Variants in USP54 observed in about 807,000 individuals in gnomAD.
USP54 encodes the protein ubiquitin specific peptidase 54, also known as ubiquitin carboxyl-terminal hydrolase 54.
A neutral mutation model predicts 170.5 loss-of-function variants in USP54; 87 were observed. The ratio of observed to expected loss-of-function variants is 0.51; its 90% CI spans 0.43 to 0.61. The LOEUF (loss-of-function observed/expected upper bound fraction) is 0.61. Ranked by LOEUF, USP54 falls within the 20% of genes least tolerant of loss-of-function variation. The probability of loss-of-function intolerance (pLI) is 0.00; values close to 1 mark genes in which losing one functional copy is unlikely to be tolerated. For missense variants in USP54, 1,786 were observed against 2,047.8 expected, an observed-to-expected ratio of 0.87 and a Z score of 2.47; for synonymous variants, 655 against 742.8, an observed-to-expected ratio of 0.88 and a Z score of 1.92.
chr10:73,590,215 C>T (rs2078077643), intron 1 of USP54, among the ~76,000 whole-genome samples: 2 of 152,216 alleles, frequency 1.3e-5, no homozygotes, highest in Admixed American at 1.3e-4. Flanking sequence ...AATACTACTA[C>T]CTGGCCAGGT....
intron 1 of USP54, among the ~76,000 whole-genome samples, chr10:73,601,920 A>G (rs977749921): frequency 5.9e-5 from 9 of 152,202 alleles, no homozygotes; most frequent in African/African-American, 2.2e-4. Context: ...CAAGTCCTTC[A>G]CCACTGCCCT....
chr10:73,590,656 G>C (rs2078137713), intron 1 of USP54, among the ~76,000 whole-genome samples: 1 of 152,104 alleles, frequency 6.6e-6, no homozygotes, highest in African/African-American at 2.4e-5. Flanking sequence ...CAAGGAAGCA[G>C]GTGCTAATGA....
chr10:73,612,839 CAAA>C (rs756355670), intron 1 of USP54, among the ~76,000 whole-genome samples: 5 of 42,122 alleles, frequency 1.2e-4, no homozygotes, highest in Non-Finnish European at 1.5e-4. Context: ...GACATTGTCT[CAAA>C]AAAAAAAAAA....
At chr10:73,566,669 T>G (rs1381832680) in intron 4 of USP54, among the ~76,000 whole-genome samples, 1 of 151,740 alleles carries the variant, frequency 6.6e-6, no homozygotes, top group East Asian at 2.0e-4. Flanking sequence ...AGGCAGAGGT[T>G]GCAGTGAGCT....
intron 1 of USP54, among the ~76,000 whole-genome samples, chr10:73,611,981 T>C (rs1032694605): frequency 1.3e-5 from 2 of 148,448 alleles, no homozygotes; most frequent in African/African-American, 5.0e-5. Context: ...CACGGTGGTA[T>C]GCCCCTATAG....
intron 1 of USP54, among the ~76,000 whole-genome samples, chr10:73,583,037 T>C (rs915823670): frequency 6.6e-6 from 1 of 152,088 alleles, no homozygotes; most frequent in Admixed American, 6.5e-5. Flanking sequence ...AGTCCAATCA[T>C]CAGAAAAATA....
At position 73,545,569 on chromosome 10, in the gene USP54, A is replaced by G; in HGVS notation, c.344T>C (p.Leu115Pro). Residue 115 changes from leucine to proline, a missense_variant, in exon 5 of 24, where the codon CTG becomes CCG. Leu to Pro is a moderately conservative substitution (Grantham distance 98). This residue lies in a region of USP54 where 361 missense variants were observed against 455.0 expected (regional missense o/e 0.79). Transcript: ENST00000687698. The stretch of plus-strand genomic sequence containing the variant: ...CTCTGCAGCATCATCCATAATTCCC[A>G]GCTGGAAACGTTGTTCATCCTGGAA... ...KTFQDEQRFQ[L>P]GIMDDAAECF... 6.2e-7 allele frequency: 1 copy of G among 1,614,182 alleles called. No homozygotes were observed. The highest frequency in any genetic ancestry group is 8.5e-7 in the Non-Finnish European group (1 of 1,180,008).
chr10:73,598,563 G>A (rs2132254233), intron 1 of USP54, among the ~76,000 whole-genome samples: 1 of 152,122 alleles, frequency 6.6e-6, no homozygotes, highest in Non-Finnish European at 1.5e-5. Flanking sequence ...ATCACAACAA[G>A]GTCAGGAGTT....
intron 4 of USP54, among the ~76,000 whole-genome samples, chr10:73,568,886 C>A (rs1339960291): frequency 6.6e-6 from 1 of 152,122 alleles, no homozygotes; most frequent in Non-Finnish European, 1.5e-5. Context: ...GTAAGTCTAG[C>A]GGTTGACTTT....
intron 4 of USP54, among the ~76,000 whole-genome samples, chr10:73,568,683 T>C (rs1465752252): frequency 6.6e-6 from 1 of 152,164 alleles, no homozygotes; most frequent in Non-Finnish European, 1.5e-5. Flanking sequence ...CAGGCAGTGA[T>C]GTAATGAGGA....
chr10:73,508,403 G>GAAA (rs1243094191), intron 20 of USP54, among the ~76,000 whole-genome samples: 2 of 74,920 alleles, frequency 2.7e-5, no homozygotes, highest in Non-Finnish European at 3.0e-5. Flanking sequence ...TGAGAATCCA[G>GAAA]AAAAAAAAAA....
At chr10:73,599,212 T>C (rs1283619827) in intron 1 of USP54, among the ~76,000 whole-genome samples, 1 of 152,168 alleles carries the variant, frequency 6.6e-6, no homozygotes, top group African/African-American at 2.4e-5. Flanking sequence ...ACTTAACCAA[T>C]CAATGAAATT....
At chr10:73,580,782 T>C (rs1231781613) in intron 1 of USP54, among the ~76,000 whole-genome samples, 3 of 152,144 alleles carry the variant, frequency 2.0e-5, no homozygotes, top group Admixed American at 1.3e-4. Flanking sequence ...TTTCACCATG[T>C]TGACCATGCT....
At chr10:73,572,453 T>A (rs770820610) in intron 3 of USP54, among the ~76,000 whole-genome samples, 1 of 152,214 alleles carries the variant, frequency 6.6e-6, no homozygotes, top group Non-Finnish European at 1.5e-5. Flanking sequence ...TAGGAAAACA[T>A]TTAATGTCAT....
At chr10:73,556,443 T>C (rs1376015463) in intron 4 of USP54, among the ~76,000 whole-genome samples, 1 of 151,458 alleles carries the variant, frequency 6.6e-6, no homozygotes, top group East Asian at 1.9e-4. Context: ...ACCTCCCAGG[T>C]TGAAGCAATT....
At chr10:73,541,324 A>G (rs1428557953) in intron 9 of USP54, 51 bp downstream of exon 9, 2 of 1,610,304 alleles carry the variant, frequency 1.2e-6, no homozygotes, top group African/African-American at 1.3e-5. Context: ...CTCCTAAGCA[A>G]TACTAAGACG....
At chr10:73,577,552 T>C (rs2076288007) in intron 1 of USP54, among the ~76,000 whole-genome samples, 2 of 152,310 alleles carry the variant, frequency 1.3e-5, no homozygotes, top group South Asian at 4.1e-4. Context: ...AGGTATGTGC[T>C]AAACACGATA....
Position 73,530,497 on chromosome 10 carries a change from G to A in USP54, c.1474C>T (p.Pro492Ser), listed in dbSNP as rs776208474. Residue 492 changes from proline to serine, a missense_variant, in exon 14 of 24, where the codon CCT (proline) becomes TCT (serine). Pro to Ser is a moderately conservative substitution (Grantham distance 74). Coordinates refer to ENST00000687698, the MANE Select transcript of USP54 (RefSeq NM_001391956.1). ...CTGGATGGTTTGGAGGCATTTCTAGGAGCCTGCTTCTCTTTCAGTGTTTCT... is the reference window on the plus strand; with the variant it reads ...CTGGATGGTTTGGAGGCATTTCTAGAAGCCTGCTTCTCTTTCAGTGTTTCT... ...EGETLKEKQAPRNASKPSSST... is the reference protein window; with the variant it reads ...EGETLKEKQASRNASKPSSST... 1.2e-6 allele frequency: 2 copies of A among 1,610,542 alleles called. No homozygotes were observed. Among genetic ancestry groups the A allele is most frequent in the East Asian group, 4.5e-5 (2 of 44,872 alleles).
chr10:73,558,638 G>A (rs968505740), intron 4 of USP54, among the ~76,000 whole-genome samples: 5 of 152,152 alleles, frequency 3.3e-5, no homozygotes, highest in Admixed American at 1.3e-4. Flanking sequence ...AAACATGTTA[G>A]TGTTTCCTTT....
Sources: gnomAD v4.1 joint callset for allele counts (sites outside exome capture counted in the v4.1 genomes callset) on GRCh38, gnomAD v4.1.1 for gene constraint, gnomAD v4.1.1 regional missense constraint, MANE v1.5 for transcripts, NCBI Gene and HGNC (gene_info 2026-07-23, HGNC 2026-07-21) for gene names.